SPIRE1: variants seen among roughly 807,000 people sequenced by gnomAD.
The protein encoded by SPIRE1 is spire type actin nucleation factor 1, also known as protein spire homolog 1.
SPIRE1 carries 40 observed loss-of-function variants against 94.1 expected under a neutral mutation model. The observed-to-expected ratio is 0.43, with a 90% CI of 0.33 to 0.55. The LOEUF (loss-of-function observed/expected upper bound fraction) is 0.55. Ranked by LOEUF, SPIRE1 falls within the 20% of genes least tolerant of loss-of-function variation. The pLI, the probability that SPIRE1 is intolerant of heterozygous loss-of-function variation, is 0.06. For synonymous variants in SPIRE1, 376 were observed against 371.7 expected (o/e 1.01, Z -0.13); for missense variants, 838 against 975.2 (o/e 0.86, Z 1.87).
chr18:12,541,978 CT>C (rs1164532240), intron 3 of SPIRE1, among the ~76,000 whole-genome samples: 3,946 of 144,244 alleles, frequency 0.027, 165 homozygotes, highest in African/African-American at 0.092. Context: ...ATTAATGAGG[CT>C]TTTTTTTTTT....
At chr18:12,655,230 A>C (rs1222377859) in intron 1 of SPIRE1, among the ~76,000 whole-genome samples, 1 of 151,680 alleles carries the variant, frequency 6.6e-6, no homozygotes, top group South Asian at 2.1e-4. Flanking sequence ...CCTGTCAAAA[A>C]AAAAAAAGAA....
At chr18:12,522,732 T>C (rs564377952) in intron 4 of SPIRE1, among the ~76,000 whole-genome samples, 1 of 152,298 alleles carries the variant, frequency 6.6e-6, no homozygotes, top group South Asian at 2.1e-4. Context: ...TTAAGAATTA[T>C]GTTAACTCTA....
chr18:12,574,813 G>A (rs1017228235), intron 2 of SPIRE1, among the ~76,000 whole-genome samples: 3 of 152,084 alleles, frequency 2.0e-5, no homozygotes, highest in African/African-American at 7.2e-5. Flanking sequence ...GTTGGGAAAG[G>A]GAGAAAAGGA....
intron 5 of SPIRE1, among the ~76,000 whole-genome samples, chr18:12,507,641 G>A (rs2033881146): frequency 6.6e-6 from 1 of 151,926 alleles, no homozygotes; most frequent in African/African-American, 2.4e-5. Flanking sequence ...AGAGGTTGCA[G>A]TGAGCCCAGA....
intron 10 of SPIRE1, among the ~76,000 whole-genome samples, chr18:12,475,814 C>T (rs545265046): frequency 5.3e-5 from 8 of 152,330 alleles, no homozygotes; most frequent in African/African-American, 1.9e-4. Context: ...ATCAGCTCCT[C>T]TCATCAAAGG....
chr18:12,590,926 A>G (rs562544268), intron 2 of SPIRE1, among the ~76,000 whole-genome samples: 1 of 152,348 alleles, frequency 6.6e-6, no homozygotes, highest in African/African-American at 2.4e-5. Flanking sequence ...AATAATATCT[A>G]TAAACAATAT....
chr18:12,478,269 G>A (rs2032683282), intron 10 of SPIRE1, among the ~76,000 whole-genome samples: 1 of 152,036 alleles, frequency 6.6e-6, no homozygotes, highest in South Asian at 2.1e-4. Flanking sequence ...GTGTGTGTAT[G>A]TGCATGTGTG....
chr18:12,644,354 G>C (rs9973045), intron 1 of SPIRE1, among the ~76,000 whole-genome samples: 2 of 152,118 alleles, frequency 1.3e-5, no homozygotes, highest in Non-Finnish European at 2.9e-5. Context: ...ATAGGTCTCA[G>C]ATGAAATGTG....
rs145920823 is a variant in SPIRE1 at position 12,615,189 on chromosome 18, G to A, written c.372+19873C>T. On this transcript the variant is annotated intron_variant, in intron 2 of 16. Coordinates refer to ENST00000409402, the MANE Select transcript of SPIRE1 (RefSeq NM_001128626.2). Reference sequence around the variant, plus strand: ...TAAAAATACAAAAAATTAGCTGGGCGTGGTGGCACACACCTGTAATCCTAG... The same window carrying A: ...TAAAAATACAAAAAATTAGCTGGGCATGGTGGCACACACCTGTAATCCTAG... 3.1e-4 allele frequency among the ~76,000 whole-genome samples: 47 copies of A among 150,088 alleles called. No individual in the cohort carries two copies. The East Asian group carries it at 7.9e-3, about 25-fold the overall frequency.
chr18:12,500,854 C>T (rs915344821), intron 6 of SPIRE1, among the ~76,000 whole-genome samples: 2 of 151,986 alleles, frequency 1.3e-5, no homozygotes, highest in African/African-American at 4.8e-5. Context: ...GGGCAGATCA[C>T]CTGAGGTCAG....
chr18:12,478,546 G>C (rs1182938787), intron 10 of SPIRE1, among the ~76,000 whole-genome samples: 1 of 125,598 alleles, frequency 8.0e-6, no homozygotes, highest in African/African-American at 2.6e-5. Flanking sequence ...GCTAGGGTGT[G>C]TGTGTGAAGC....
chr18:12,538,243 A>G (rs1036768827), intron 3 of SPIRE1, among the ~76,000 whole-genome samples: 3 of 152,204 alleles, frequency 2.0e-5, no homozygotes, highest in Admixed American at 6.5e-5. Context: ...AGCATAGAGC[A>G]TGGTATACAG....
At chr18:12,583,811 G>T (rs1048505094) in intron 2 of SPIRE1, among the ~76,000 whole-genome samples, 4 of 151,738 alleles carry the variant, frequency 2.6e-5, no homozygotes, top group African/African-American at 9.7e-5. Context: ...TATAGTCCCT[G>T]CTACTTGAAA....
intron 10 of SPIRE1, among the ~76,000 whole-genome samples, chr18:12,477,916 T>C (rs1026266350): frequency 6.6e-6 from 1 of 152,024 alleles, no homozygotes; most frequent in African/African-American, 2.4e-5. Flanking sequence ...ATGCAAATTT[T>C]ATTCTGTAAG....
chr18:12,583,174 T>G (rs987660751), intron 2 of SPIRE1, among the ~76,000 whole-genome samples: 2 of 152,138 alleles, frequency 1.3e-5, no homozygotes, highest in African/African-American at 4.8e-5. Flanking sequence ...GAAATCATAA[T>G]AAGTGTAAAC....
intron 1 of SPIRE1, among the ~76,000 whole-genome samples, chr18:12,638,274 G>C (rs999078624): frequency 4.6e-5 from 7 of 152,044 alleles, no homozygotes; most frequent in Non-Finnish European, 1.0e-4. Context: ...GCGAGACCCA[G>C]TTTCTATCAA....
intron 9 of SPIRE1, among the ~76,000 whole-genome samples, chr18:12,480,556 T>C (rs991793475): frequency 2.6e-5 from 4 of 152,214 alleles, no homozygotes; most frequent in Non-Finnish European, 4.4e-5. Context: ...AGGTTAATAA[T>C]TGCATATAAA....
chr18:12,572,907 T>C (rs1263772263), intron 2 of SPIRE1, among the ~76,000 whole-genome samples: 1 of 152,182 alleles, frequency 6.6e-6, no homozygotes, highest in Non-Finnish European at 1.5e-5. Context: ...TAGACCTAAA[T>C]GTAAAATCCG....
intron 6 of SPIRE1, among the ~76,000 whole-genome samples, chr18:12,501,960 T>C (rs2033680437): frequency 6.6e-6 from 1 of 152,184 alleles, no homozygotes; most frequent in African/African-American, 2.4e-5. Flanking sequence ...AGACCCTGTG[T>C]CAATCAATCA....
Sources: allele counts gnomAD v4.1 joint callset (sites outside exome capture counted in the v4.1 genomes callset), GRCh38; gene constraint gnomAD v4.1.1; transcripts MANE v1.5; gene names NCBI Gene and HGNC (gene_info 2026-07-23, HGNC 2026-07-21).